DGKZ: variants seen among roughly 807,000 people sequenced by gnomAD.
DGKZ encodes the protein DAG kinase zeta.
In DGKZ, 45 loss-of-function variants were observed where a neutral mutation model predicts 142.5. The observed-to-expected ratio is 0.32, with a 90% confidence interval of 0.25 to 0.40. DGKZ has a LOEUF of 0.40. Among genes scored for constraint, DGKZ ranks in the 10% least tolerant of loss-of-function variants. The probability of loss-of-function intolerance (pLI) is 1.00; values close to 1 mark genes in which losing one functional copy is unlikely to be tolerated. For synonymous variants in DGKZ, 442 were observed against 527.0 expected, an observed-to-expected ratio of 0.84 and a Z score of 2.21; for missense variants, 755 against 1,306.5, an observed-to-expected ratio of 0.58 and a Z score of 6.51.
intron 1 of DGKZ, among the ~76,000 whole-genome samples, chr11:46,357,063 C>CAGCGGG (rs965117565): frequency 4.6e-5 from 7 of 152,148 alleles, no homozygotes; most frequent in Non-Finnish European, 7.4e-5. Flanking sequence ...ATTCTGATGG[C>CAGCGGG]AGCGGGAGTC....
Position 46,371,306 on chromosome 11 carries a change from C to A in DGKZ, c.571-7C>A. 1 of 1,613,488 alleles carries A rather than the reference C, an allele frequency of 6.2e-7. No individual in the cohort carries two copies. The highest frequency in any genetic ancestry group is 8.5e-7 in the Non-Finnish European group (1 of 1,179,730). ...CCCTGGTTCCCATCCATCCTGTCTA[C>A]CCTCAGGGATTCCAGCAGAAGTTCA... On this transcript the variant is annotated splice_polypyrimidine_tract_variant and splice_region_variant and intron_variant, in intron 6 of 30. Coordinates refer to ENST00000527911, the Ensembl canonical transcript of DGKZ.
In DGKZ at chr11:46,366,850, C is replaced by T. The variant is rs775555417; in HGVS notation, c.162-441C>T. On this transcript the variant is annotated intron_variant, in intron 1 of 30. Transcript: ENST00000527911. ...GGCGGCCCTCAGGCCAGCACCCTGG[C>T]CCTGGGGGCCGAAGAGCCTCAGGCA... The T allele has an allele frequency of 1.1e-5, 17 of 1,546,246 alleles. No homozygotes were observed. The East Asian group carries it at 3.4e-4, about 31-fold the overall frequency.
At chr11:46,334,128 C>A (rs1434221789) in intron 1 of DGKZ, among the ~76,000 whole-genome samples, 1 of 151,730 alleles carries the variant, frequency 6.6e-6, no homozygotes, top group East Asian at 1.9e-4. Context: ...CCTGGAGGAG[C>A]CAGCTGGAGT....
At chr11:46,355,104 T>C (rs1236121097) in intron 1 of DGKZ, among the ~76,000 whole-genome samples, 1 of 152,170 alleles carries the variant, frequency 6.6e-6, no homozygotes, top group Non-Finnish European at 1.5e-5. Flanking sequence ...TCTGTGTTTA[T>C]TTTTTTATTT....
chr11:46,346,798 T>C (rs1009686513), upstream of DGKZ, among the ~76,000 whole-genome samples: 8 of 152,098 alleles, frequency 5.3e-5, no homozygotes, highest in Non-Finnish European at 8.8e-5. Context: ...GAAAATGCGA[T>C]GTGTTGGGCC....
rs1178700493 is a variant in DGKZ at position 46,367,775 on chromosome 11, C to CCTG, written c.366+32_366+34dup. 2 of 1,611,508 alleles carry CCTG rather than the reference C, an allele frequency of 1.2e-6. No homozygotes were observed. Among genetic ancestry groups the CCTG allele is most frequent in the Non-Finnish European group, 1.7e-6 (2 of 1,178,732 alleles). On this transcript the variant is annotated intron_variant, in intron 3 of 30. Transcript: ENST00000527911. This position sits in a 1 kb window ranked among gnomAD's most constrained non-coding sequence, Gnocchi z 4.1. ...GAGTGCTCGTAGGGGCACGCCGCCC[C>CCTG]CTGCTGGTGGAGCCAGTAGCCGCAG...
chr11:46,354,758 C>T (rs1195023145), intron 1 of DGKZ, among the ~76,000 whole-genome samples: 1 of 152,218 alleles, frequency 6.6e-6, no homozygotes, highest in Non-Finnish European at 1.5e-5. Flanking sequence ...TAGCAACATA[C>T]AGTGCTGTTT....
intron 19 of DGKZ, 138 bp downstream of exon 19, chr11:46,375,183 C>T (rs1236412544): frequency 1.3e-5 from 12 of 890,786 alleles, no homozygotes; most frequent in South Asian, 3.5e-5. Flanking sequence ...GGCTTGAGAG[C>T]GGCACCTACC....
chr11:46,352,409 A>C (rs773121359), intron 1 of DGKZ, among the ~76,000 whole-genome samples: 1 of 152,208 alleles, frequency 6.6e-6, no homozygotes, highest in Non-Finnish European at 1.5e-5. Flanking sequence ...AGTTACCTGC[A>C]GCTCTAGCTG....
chr11:46,358,881 A>G (rs2136431976), intron 1 of DGKZ, among the ~76,000 whole-genome samples: 1 of 152,254 alleles, frequency 6.6e-6, no homozygotes, highest in East Asian at 1.9e-4. Context: ...GGAGGCTCAC[A>G]CCTGTAATCC....
At chr11:46,371,154 G>T (rs922472019) in intron 6 of DGKZ, among the ~76,000 whole-genome samples, 159 bp from the exon 7 acceptor site, 3 of 152,152 alleles carry the variant, frequency 2.0e-5, no homozygotes, top group Non-Finnish European at 2.9e-5. Context: ...CAGTTACTTG[G>T]GGGGGCTGAG....
intron 8 of DGKZ, 37 bp from the exon 9 acceptor site, chr11:46,371,667 G>A (rs1383750811): frequency 6.2e-7 from 1 of 1,613,732 alleles, no homozygotes; most frequent in African/African-American, 1.3e-5. Context: ...ACCCCAGCCT[G>A]CCCACCTCGT....
chr11:46,372,833 C>A lies in DGKZ; in HGVS notation c.1134C>A (p.Ile378=), dbSNP rs369691508. Residue 378 remains isoleucine (I), a synonymous_variant, in exon 13 of 31, where the codon ATC becomes ATA. Transcript: ENST00000527911. The surrounding 1 kb of genome is among the most constrained non-coding windows in gnomAD (Gnocchi z 5.9). ...TGAAGCCGCCACCCCCTGTTGCCAT[C>A]CTGCCCCTGGGTACTGGCAACGACT... 6.2e-7 allele frequency: 1 copy of A among 1,601,678 alleles called. No homozygotes were observed. Among genetic ancestry groups the A allele is most frequent in the Non-Finnish European group, 8.5e-7 (1 of 1,174,146 alleles).
intron 6 of DGKZ, 147 bp from the exon 7 acceptor site, chr11:46,371,166 C>T: frequency 1.4e-6 from 1 of 689,756 alleles, no homozygotes; most frequent in South Asian, 1.8e-5. Context: ...GGGGCTGAGG[C>T]AGATTGCTTA....
In DGKZ at chr11:46,366,903, G is replaced by C. The variant is rs751135725; in HGVS notation, c.162-388G>C. ...ACCGCCGGCACCATGCTGCCCACCC[G>C]TGTGCGCCCACTGTCCCGCAGGCGC... is the stretch of plus-strand genomic sequence containing the variant. On this transcript the variant is annotated intron_variant, in intron 1 of 30. Transcript: ENST00000527911. The C allele has an allele frequency of 3.9e-6, 6 of 1,547,842 alleles. No homozygotes were observed. The South Asian group carries it at 5.9e-5, about 15-fold the overall frequency.
At chr11:46,352,092 G>A (rs1397556509) in intron 1 of DGKZ, among the ~76,000 whole-genome samples, 3 of 152,208 alleles carry the variant, frequency 2.0e-5, no homozygotes, top group South Asian at 2.1e-4. Flanking sequence ...TGCCCTCCTC[G>A]GCTCCCTGGA....
intron 30 of DGKZ, 78 bp from the exon 31 acceptor site, chr11:46,379,753 T>C: frequency 1.4e-6 from 2 of 1,415,080 alleles, no homozygotes; most frequent in Middle Eastern, 1.9e-4. Flanking sequence ...CACAGGGAGG[T>C]AGAGCCCCTG....
rs574419605 is a variant in DGKZ at position 46,379,849 on chromosome 11, C to T, written c.2707C>T (p.Arg903Trp). Reference sequence around the variant, plus strand: ...CCTCCAGGGCGACACTCCCCGGCAGCGGGCTGAGAAGGCTCAGGACACCGA... The same window carrying T: ...CCTCCAGGGCGACACTCCCCGGCAGTGGGCTGAGAAGGCTCAGGACACCGA... Residue 903 changes from arginine (R) to tryptophan (W), a missense_variant, in exon 31 of 31, where the codon CGG (arginine) becomes TGG (tryptophan). Arg to Trp is a moderately radical substitution (Grantham distance 101). Coordinates refer to ENST00000527911, the Ensembl canonical transcript of DGKZ. The T allele has an allele frequency of 4.3e-6, 7 of 1,610,216 alleles. No homozygotes were observed. The highest frequency in any genetic ancestry group is 4.5e-5 in the East Asian group (2 of 44,822).
At chr11:46,379,886 A>G (rs755375241) in exon 31 of DGKZ, 5 of 1,609,978 alleles carry the variant, frequency 3.1e-6, no homozygotes, top group South Asian at 1.1e-5. Context: ...CTGGCCGCCT[A>G]CCTGGAGAAC....
Sources: gnomAD v4.1 joint callset for allele counts (sites outside exome capture counted in the v4.1 genomes callset) on GRCh38, gnomAD v4.1.1 for gene constraint, Gnocchi (gnomAD v3.1) non-coding constraint, MANE v1.5 for transcripts, NCBI Gene and HGNC (gene_info 2026-07-23, HGNC 2026-07-21) for gene names.